Variants in ANO10 observed in about 807,000 individuals in gnomAD.
ANO10 encodes anoctamin 10, also known as anoctamin-10.
A neutral mutation model predicts 74.7 loss-of-function variants in ANO10; 77 were observed. The observed-to-expected ratio is 1.03, with a 90% CI of 0.86 to 1.25. The LOEUF is 1.25. ANO10 is among the 50% of genes most tolerant of loss of function. ANO10 has a pLI of 0.00. For synonymous variants in ANO10, 279 were observed against 284.9 expected (o/e 0.98, Z 0.21); for missense variants, 721 against 778.1 (o/e 0.93, Z 0.87).
intron 11 of ANO10, among the ~76,000 whole-genome samples, chr3:43,479,264 C>T (rs549453239): frequency 3.0e-4 from 45 of 152,212 alleles, no homozygotes; most frequent in Non-Finnish European, 5.9e-4. Flanking sequence ...CACACAGTCC[C>T]TGTTATCCCA....
chr3:43,441,337 A>T (rs1307423316), intron 11 of ANO10, among the ~76,000 whole-genome samples: 3 of 152,078 alleles, frequency 2.0e-5, no homozygotes, highest in African/African-American at 7.2e-5. Flanking sequence ...AAATGTAAGA[A>T]GAAACATTAC....
intron 1 of ANO10, among the ~76,000 whole-genome samples, chr3:43,606,896 C>G (rs2149498721): frequency 6.6e-6 from 1 of 152,264 alleles, no homozygotes; most frequent in Admixed American, 6.5e-5. Context: ...CACCCACACT[C>G]ACATACATAT....
At chr3:43,541,186 G>A (rs1046993006) in intron 11 of ANO10, among the ~76,000 whole-genome samples, 3 of 152,192 alleles carry the variant, frequency 2.0e-5, no homozygotes, top group Admixed American at 6.5e-5. Flanking sequence ...CTCCTTTGTA[G>A]GCTAAGTTTT....
chr3:43,366,823 C>T lies in ANO10; in HGVS notation c.*83G>A. ...TCTGGGTTCAGGAGCCACGATGCTG[C>T]CCCGGGTACCCCCCCTGCCACCGTG... is the stretch of plus-strand genomic sequence containing the variant. On this transcript the variant is annotated 3_prime_UTR_variant, in exon 13 of 13. Coordinates refer to ENST00000292246, the MANE Select transcript of ANO10 (RefSeq NM_018075.5). 7.1e-7 allele frequency: 1 copy of T among 1,408,374 alleles called. No homozygotes were observed. Among genetic ancestry groups the T allele is most frequent in the Non-Finnish European group, 9.8e-7 (1 of 1,019,018 alleles). 87.2% of individuals were successfully genotyped at this position (1,408,374 alleles called of 1,614,324 possible).
chr3:43,587,153 G>A (rs925136659), intron 4 of ANO10, among the ~76,000 whole-genome samples: 1 of 152,100 alleles, frequency 6.6e-6, no homozygotes, highest in African/African-American at 2.4e-5. Flanking sequence ...CAGATAACTG[G>A]AAATGCAGAC....
chr3:43,396,584 G>A (rs1021664145), intron 12 of ANO10, among the ~76,000 whole-genome samples: 4 of 151,958 alleles, frequency 2.6e-5, no homozygotes, highest in African/African-American at 4.8e-5. Flanking sequence ...TGATCCACCC[G>A]CCTCAGCCTC....
At chr3:43,579,312 G>C (rs575235901) in intron 5 of ANO10, among the ~76,000 whole-genome samples, 8 of 152,266 alleles carry the variant, frequency 5.3e-5, no homozygotes, top group African/African-American at 1.9e-4. Context: ...TGTTTGGCCT[G>C]CTAGTTGCCC....
intron 11 of ANO10, among the ~76,000 whole-genome samples, chr3:43,511,417 A>G (rs1222404751): frequency 6.6e-6 from 1 of 152,212 alleles, no homozygotes; most frequent in Non-Finnish European, 1.5e-5. Flanking sequence ...CCTAGAGTGG[A>G]GTCTGCATAA....
chr3:43,622,774 C>G (rs1438745465), upstream of ANO10, among the ~76,000 whole-genome samples: 1 of 152,122 alleles, frequency 6.6e-6, no homozygotes, highest in Non-Finnish European at 1.5e-5. Flanking sequence ...CCCTTTCTGA[C>G]CATCCTACTT....
intron 4 of ANO10, among the ~76,000 whole-genome samples, chr3:43,597,777 A>T (rs1432290577): frequency 6.6e-6 from 1 of 151,956 alleles, no homozygotes; most frequent in Non-Finnish European, 1.5e-5. Context: ...TAAATAAAAA[A>T]TTTTTAAAAA....
At chr3:43,510,830 T>G (rs2077481414) in intron 11 of ANO10, among the ~76,000 whole-genome samples, 1 of 152,198 alleles carries the variant, frequency 6.6e-6, no homozygotes, top group Admixed American at 6.5e-5. Flanking sequence ...AGACACTCTC[T>G]AACAGTCCTC....
intron 12 of ANO10, among the ~76,000 whole-genome samples, chr3:43,420,004 G>A (rs1438388153): frequency 1.3e-5 from 2 of 152,132 alleles, no homozygotes; most frequent in Non-Finnish European, 2.9e-5. Context: ...AGAAACAAAT[G>A]AGCAAACATG....
At chr3:43,452,644 G>A (rs2074928593) in intron 11 of ANO10, among the ~76,000 whole-genome samples, 1 of 152,184 alleles carries the variant, frequency 6.6e-6, no homozygotes, top group Non-Finnish European at 1.5e-5. Flanking sequence ...GAATATTAAT[G>A]TGCAAGTTTT....
At chr3:43,688,714 G>A (rs1396235425) in intron 1 of ANO10, among the ~76,000 whole-genome samples, 2 of 151,936 alleles carry the variant, frequency 1.3e-5, no homozygotes, top group Non-Finnish European at 2.9e-5. Flanking sequence ...CGTGGTGGCG[G>A]GTGCCTGGAA....
chr3:43,514,377 G>T (rs2077627294), intron 11 of ANO10, among the ~76,000 whole-genome samples: 1 of 151,946 alleles, frequency 6.6e-6, no homozygotes, highest in Non-Finnish European at 1.5e-5. Flanking sequence ...TCAAAGCAAA[G>T]AATATTACAT....
intron 2 of ANO10, among the ~76,000 whole-genome samples, chr3:43,605,191 C>CCCTTT (rs765637572): frequency 1.1e-4 from 17 of 152,278 alleles, no homozygotes; most frequent in Admixed American, 2.0e-4. Context: ...TGTCATCTAA[C>CCCTTT]CCTTTCCTTT....
At chr3:43,386,648 CGTGTGTGTGTGTGTGTGTGT>C (rs36065814) in intron 12 of ANO10, among the ~76,000 whole-genome samples, 2 of 139,996 alleles carry the variant, frequency 1.4e-5, no homozygotes, top group South Asian at 4.7e-4. Context: ...TAGGTGTGTA[CGTGTGTGTGTGTGTGTGTGT>C]GTGTGTGTGT....
chr3:43,460,856 A>G (rs1256784206), intron 11 of ANO10, among the ~76,000 whole-genome samples: 1 of 152,184 alleles, frequency 6.6e-6, no homozygotes, highest in East Asian at 1.9e-4. Flanking sequence ...AAGAGCAGAC[A>G]CTCACAGAAA....
chr3:43,383,777 T>G (rs1220599878), intron 12 of ANO10, among the ~76,000 whole-genome samples: 1 of 152,146 alleles, frequency 6.6e-6, no homozygotes, highest in African/African-American at 2.4e-5. Flanking sequence ...GGACATACCC[T>G]AAGGTAATAA....
Sources: gnomAD v4.1 joint callset for allele counts (sites outside exome capture counted in the v4.1 genomes callset) on GRCh38, gnomAD v4.1.1 for gene constraint, MANE v1.5 for transcripts, NCBI Gene and HGNC (gene_info 2026-07-23, HGNC 2026-07-21) for gene names.